Variants in L3MBTL4 observed in about 807,000 individuals in gnomAD.
L3MBTL4 encodes the protein lethal(3)malignant brain tumor-like protein 4.
Under a neutral mutation model 84.5 loss-of-function variants are expected in L3MBTL4, and 70 were observed. The observed-to-expected ratio is 0.83, with a 90% CI of 0.68 to 1.01. The LOEUF (loss-of-function observed/expected upper bound fraction) is 1.01. Among genes scored for constraint, L3MBTL4 ranks in the 50% least tolerant of loss-of-function variants. The pLI, the probability that L3MBTL4 is intolerant of heterozygous loss-of-function variation, is 0.00. For missense variants in L3MBTL4, 715 were observed against 754.8 expected, an observed-to-expected ratio of 0.95 and a Z score of 0.62; for synonymous variants, 274 against 259.8, an observed-to-expected ratio of 1.05 and a Z score of -0.52.
chr18:6,329,743 C>T (rs2051927381), intron 1 of L3MBTL4, among the ~76,000 whole-genome samples: 1 of 152,080 alleles, frequency 6.6e-6, no homozygotes, highest in Non-Finnish European at 1.5e-5. Context: ...TCACCATTTC[C>T]ACTCCCATGA....
chr18:6,355,974 G>A (rs552256735), intron 1 of L3MBTL4, among the ~76,000 whole-genome samples: 6 of 152,018 alleles, frequency 3.9e-5, no homozygotes, highest in Admixed American at 3.9e-4. Flanking sequence ...CACAATCAAC[G>A]GCCACCATAG....
intron 1 of L3MBTL4, among the ~76,000 whole-genome samples, chr18:6,408,076 G>A (rs1289847478): frequency 3.3e-5 from 5 of 152,092 alleles, no homozygotes; most frequent in Admixed American, 6.5e-5. Context: ...TAGACAAGGA[G>A]TAAAAAAGGC....
At chr18:5,994,932 G>A (rs937641133) in intron 16 of L3MBTL4, among the ~76,000 whole-genome samples, 1 of 152,096 alleles carries the variant, frequency 6.6e-6, no homozygotes, top group Non-Finnish European at 1.5e-5. Flanking sequence ...AATTATTCAG[G>A]GTGTTTTATC....
At chr18:6,363,026 A>T (rs2053777354) in intron 1 of L3MBTL4, among the ~76,000 whole-genome samples, 1 of 152,156 alleles carries the variant, frequency 6.6e-6, no homozygotes, top group South Asian at 2.1e-4. Flanking sequence ...CCTGTGAAAA[A>T]TGGAGGGGCT....
intron 4 of L3MBTL4, among the ~76,000 whole-genome samples, chr18:6,269,252 G>C (rs1212972715): frequency 6.6e-6 from 1 of 152,240 alleles, no homozygotes; most frequent in South Asian, 2.1e-4. Context: ...ACGAGGTCAG[G>C]AGATCGAGAC....
At chr18:6,271,707 G>A (rs767495592) in intron 4 of L3MBTL4, among the ~76,000 whole-genome samples, 2 of 152,230 alleles carry the variant, frequency 1.3e-5, no homozygotes, top group African/African-American at 2.4e-5. Context: ...CCGAGGTCAG[G>A]GGAGGCGCTT....
At chr18:6,364,854 C>G (rs2053861577) in intron 1 of L3MBTL4, among the ~76,000 whole-genome samples, 1 of 151,682 alleles carries the variant, frequency 6.6e-6, no homozygotes, top group Non-Finnish European at 1.5e-5. Context: ...TATTTATAAA[C>G]AAAATTTAAG....
chr18:6,384,558 G>C (rs976113350), intron 1 of L3MBTL4, among the ~76,000 whole-genome samples: 1 of 152,064 alleles, frequency 6.6e-6, no homozygotes, highest in Non-Finnish European at 1.5e-5. Flanking sequence ...ACTGAATCTG[G>C]GACACTATTT....
chr18:6,062,145 A>G (rs561601225), intron 16 of L3MBTL4, among the ~76,000 whole-genome samples: 2 of 152,118 alleles, frequency 1.3e-5, no homozygotes, highest in Non-Finnish European at 2.9e-5. Context: ...ACTTATTTTA[A>G]AATTTCTTGC....
rs867237628 is a variant in L3MBTL4 at position 6,234,245 on chromosome 18, C to T, written c.784+3719G>A. ...AAAACCTAGGCAGTACCATTCAGGA[C>T]ATAGGCATGGGCAAGGACTTCATGT... On this transcript the variant is annotated intron_variant, in intron 10 of 18. Coordinates refer to ENST00000317931, the MANE Select transcript of L3MBTL4 (RefSeq NM_001330559.2). Among the ~76,000 whole-genome samples the T allele has an allele frequency of 3.3e-5, 5 of 152,298 alleles. No individual in the cohort carries two copies. The South Asian group carries it at 8.3e-4, about 25-fold the overall frequency.
intron 15 of L3MBTL4, chr18:6,081,174 C>A: frequency 2.5e-6 from 1 of 407,252 alleles, no homozygotes; most frequent in Non-Finnish European, 4.3e-6. Flanking sequence ...AGGCCTTTCC[C>A]CCCTCATTCT....
chr18:6,301,759 A>G, intron 4 of L3MBTL4, 144 bp downstream of exon 4: 2 of 679,390 alleles, frequency 2.9e-6, no homozygotes, highest in South Asian at 3.5e-5. Flanking sequence ...AGTCTGCAGA[A>G]GAGTATGCAA....
At chr18:6,350,318 C>T (rs137883414) in intron 1 of L3MBTL4, among the ~76,000 whole-genome samples, 1 of 152,004 alleles carries the variant, frequency 6.6e-6, no homozygotes, top group Non-Finnish European at 1.5e-5. Context: ...GGCAATCCAC[C>T]GAATGGGAGA....
chr18:6,160,754 C>T (rs1243092235), intron 13 of L3MBTL4, among the ~76,000 whole-genome samples: 2 of 148,268 alleles, frequency 1.3e-5, no homozygotes, highest in Middle Eastern at 3.5e-3. Flanking sequence ...AAAAAAAGCA[C>T]GGAGTTAATC....
chr18:6,095,592 C>T (rs1054044828), intron 14 of L3MBTL4, among the ~76,000 whole-genome samples: 1 of 152,068 alleles, frequency 6.6e-6, no homozygotes, highest in African/African-American at 2.4e-5. Context: ...CCTCATGATC[C>T]GCCCACCTCG....
chr18:6,167,800 T>A (rs1230484983), intron 13 of L3MBTL4, among the ~76,000 whole-genome samples: 1 of 152,164 alleles, frequency 6.6e-6, no homozygotes, highest in African/African-American at 2.4e-5. Context: ...CCACTCCTAT[T>A]CAACATAGTA....
At chr18:6,269,339 T>G (rs2048768781) in intron 4 of L3MBTL4, among the ~76,000 whole-genome samples, 1 of 151,792 alleles carries the variant, frequency 6.6e-6, no homozygotes, top group Non-Finnish European at 1.5e-5. Context: ...TGCCTGTAGT[T>G]CCAGCTACTC....
chr18:6,154,191 A>G (rs2043007320), intron 13 of L3MBTL4, among the ~76,000 whole-genome samples: 1 of 152,180 alleles, frequency 6.6e-6, no homozygotes, highest in African/African-American at 2.4e-5. Context: ...CTGAAGTCCA[A>G]TACTATTAGT....
At chr18:6,188,384 G>A (rs2044889203) in intron 12 of L3MBTL4, among the ~76,000 whole-genome samples, 1 of 151,632 alleles carries the variant, frequency 6.6e-6, no homozygotes, top group African/African-American at 2.4e-5. Context: ...AGGGAGTTCT[G>A]CTTCTAGTTA....
Sources: gnomAD v4.1 joint callset for allele counts (sites outside exome capture counted in the v4.1 genomes callset) on GRCh38, gnomAD v4.1.1 for gene constraint, MANE v1.5 for transcripts, NCBI Gene and HGNC (gene_info 2026-07-23, HGNC 2026-07-21) for gene names.